The following LINGO2 variants were observed in gnomAD, a reference collection of about 807,000 sequenced individuals.
The protein encoded by LINGO2 is leucine-rich repeat and immunoglobulin-like domain-containing nogo receptor-interacting protein 2.
Under a neutral mutation model 30.6 loss-of-function variants are expected in LINGO2, and 14 were observed. The ratio of observed to expected loss-of-function variants is 0.46; its 90% CI spans 0.30 to 0.72. The LOEUF is 0.72. LINGO2 is among the 30% of genes least tolerant of loss of function. LINGO2 has a pLI of 0.07. For missense variants in LINGO2, 729 were observed against 751.7 expected (o/e 0.97, Z 0.35); for synonymous variants, 317 against 288.5 (o/e 1.10, Z -1.00).
chr9:27,957,042 C>T (rs1243514623), intron 5 of LINGO2, among the ~76,000 whole-genome samples: 1 of 152,164 alleles, frequency 6.6e-6, no homozygotes, highest in Non-Finnish European at 1.5e-5. Context: ...CTGCAGTAAG[C>T]TGTGATTGAC....
intron 4 of LINGO2, among the ~76,000 whole-genome samples, chr9:28,077,071 C>T (rs561566420): frequency 6.6e-6 from 1 of 152,240 alleles, no homozygotes; most frequent in Non-Finnish European, 1.5e-5. Flanking sequence ...GCACAGCTTA[C>T]TGGTTTCTAC....
At chr9:28,181,764 T>C (rs546578010) in intron 4 of LINGO2, among the ~76,000 whole-genome samples, 1 of 152,264 alleles carries the variant, frequency 6.6e-6, no homozygotes, top group South Asian at 2.1e-4. Flanking sequence ...TATAGAAATA[T>C]AGTTTTTACA....
At chr9:29,188,675 C>T in the LINGO2 span, among the ~76,000 whole-genome samples, 5 of 143,136 alleles carry the variant, frequency 3.5e-5, no homozygotes, top group South Asian at 2.2e-4. Flanking sequence ...CCTCACCTCC[C>T]GGATGGGGCG....
the LINGO2 span, among the ~76,000 whole-genome samples, chr9:28,791,933 A>T: frequency 6.6e-6 from 1 of 151,640 alleles, no homozygotes; most frequent in Non-Finnish European, 1.5e-5. Flanking sequence ...AATATATATG[A>T]TATATAATCA....
chr9:29,047,036 G>A, the LINGO2 span, among the ~76,000 whole-genome samples: 1 of 3,448 alleles, frequency 2.9e-4, no homozygotes. Flanking sequence ...GAACAAGACT[G>A]TCTCAAAAAA....
At chr9:28,583,796 T>A (rs1824387915) in intron 1 of LINGO2, among the ~76,000 whole-genome samples, 1 of 151,994 alleles carries the variant, frequency 6.6e-6, no homozygotes, top group South Asian at 2.1e-4. Context: ...TTTGAAAACA[T>A]CCCCCAAAGT....
At chr9:28,828,182 T>A in the LINGO2 span, among the ~76,000 whole-genome samples, 1 of 151,896 alleles carries the variant, frequency 6.6e-6, no homozygotes, top group African/African-American at 2.4e-5. Context: ...AACATAAATG[T>A]TACATTCTTA....
At chr9:28,351,760 T>G (rs905948268) in intron 3 of LINGO2, among the ~76,000 whole-genome samples, 2 of 152,118 alleles carry the variant, frequency 1.3e-5, no homozygotes, top group South Asian at 4.1e-4. Context: ...AATAAAATAC[T>G]GGCAAAACGA....
chr9:28,081,866 A>G (rs934344224), intron 4 of LINGO2, among the ~76,000 whole-genome samples: 2 of 151,972 alleles, frequency 1.3e-5, no homozygotes, highest in Non-Finnish European at 1.5e-5. Context: ...TTTCTTTTTT[A>G]TGTCATATAA....
chr9:29,082,930 A>T, the LINGO2 span, among the ~76,000 whole-genome samples: 1 of 152,120 alleles, frequency 6.6e-6, no homozygotes, highest in Non-Finnish European at 1.5e-5. Flanking sequence ...AAGTCAGGAA[A>T]CAACAGGTGC....
At chr9:28,868,971 A>C in the LINGO2 span, among the ~76,000 whole-genome samples, 1 of 152,132 alleles carries the variant, frequency 6.6e-6, no homozygotes, top group Non-Finnish European at 1.5e-5. Flanking sequence ...CGCTGATTTG[A>C]TAATATAACA....
chr9:28,243,832 C>A (rs1234330271), intron 4 of LINGO2, among the ~76,000 whole-genome samples: 1 of 152,124 alleles, frequency 6.6e-6, no homozygotes, highest in Non-Finnish European at 1.5e-5. Context: ...AAAACATGTT[C>A]TTAGAGACCT....
the LINGO2 span, among the ~76,000 whole-genome samples, chr9:28,761,072 C>T: frequency 5.3e-5 from 8 of 151,666 alleles, no homozygotes; most frequent in Non-Finnish European, 4.4e-5. Context: ...ATGAACATGC[C>T]TGTGCAAGTA....
chr9:29,143,742 T>G, the LINGO2 span, among the ~76,000 whole-genome samples: 1 of 152,206 alleles, frequency 6.6e-6, no homozygotes, highest in African/African-American at 2.4e-5. Flanking sequence ...TGATGATTGT[T>G]TACTTTGTGG....
At chr9:27,952,048 G>A (rs370630314) in intron 5 of LINGO2, among the ~76,000 whole-genome samples, 356 of 152,054 alleles carry the variant, frequency 2.3e-3, no homozygotes, top group African/African-American at 8.3e-3. Flanking sequence ...ATAATTTTTG[G>A]AAAATATGTG....
At chr9:28,637,611 G>T (rs1340440684) in intron 1 of LINGO2, among the ~76,000 whole-genome samples, 1 of 152,052 alleles carries the variant, frequency 6.6e-6, no homozygotes, top group Non-Finnish European at 1.5e-5. Context: ...CTCATGATTT[G>T]GTTCTCTGTT....
chr9:28,790,501 TG>T, the LINGO2 span, among the ~76,000 whole-genome samples: 19 of 142,710 alleles, frequency 1.3e-4, no homozygotes, highest in Non-Finnish European at 2.4e-4. Context: ...GCTAATTTTT[TG>T]TATTTTTTTT....
At chr9:28,823,072 G>A in the LINGO2 span, among the ~76,000 whole-genome samples, 3 of 151,996 alleles carry the variant, frequency 2.0e-5, no homozygotes, top group Non-Finnish European at 4.4e-5. Context: ...AAGTAAATTG[G>A]GACTGAGAGA....
intron 1 of LINGO2, among the ~76,000 whole-genome samples, chr9:28,560,810 G>A (rs1476097874): frequency 6.6e-6 from 1 of 151,886 alleles, no homozygotes; most frequent in Non-Finnish European, 1.5e-5. Flanking sequence ...GGAACCACAG[G>A]TGCACACCAC....
Sources: gnomAD v4.1 joint callset for allele counts (sites outside exome capture counted in the v4.1 genomes callset) on GRCh38, gnomAD v4.1.1 for gene constraint, MANE v1.5 for transcripts, NCBI Gene and HGNC (gene_info 2026-07-23, HGNC 2026-07-21) for gene names.